GAD1: variants seen among roughly 807,000 people sequenced by gnomAD.
GAD1 encodes the protein 67 kDa glutamic acid decarboxylase.
Under a neutral mutation model 75.2 loss-of-function variants are expected in GAD1, and 35 were observed. The observed-to-expected ratio is 0.47, with a 90% confidence interval of 0.36 to 0.62. The LOEUF is 0.62. Among genes scored for constraint, GAD1 ranks in the 20% least tolerant of loss-of-function variants. GAD1 has a pLI of 0.00. For synonymous variants in GAD1, 257 were observed against 271.9 expected (o/e 0.95, Z 0.54); for missense variants, 490 against 758.5 (o/e 0.65, Z 4.16).
chr2:170,823,370 G>A (rs1351695992), intron 3 of GAD1, among the ~76,000 whole-genome samples: 1 of 152,216 alleles, frequency 6.6e-6, no homozygotes, highest in Non-Finnish European at 1.5e-5. Context: ...CCGCTTTGGG[G>A]AACTACTCCC....
intron 4 of GAD1, among the ~76,000 whole-genome samples, 196 bp from the exon 5 acceptor site, chr2:170,830,754 C>A (rs1352147608): frequency 6.6e-6 from 1 of 152,186 alleles, no homozygotes; most frequent in African/African-American, 2.4e-5. Flanking sequence ...GGCTGTGAAC[C>A]CCCAGGAAGC....
intron 3 of GAD1, among the ~76,000 whole-genome samples, chr2:170,825,041 A>C (rs1435689271): frequency 6.6e-6 from 1 of 151,866 alleles, no homozygotes; most frequent in Non-Finnish European, 1.5e-5. Flanking sequence ...TCTTGAAAAA[A>C]CTTGGGGGTG....
intron 6 of GAD1, among the ~76,000 whole-genome samples, chr2:170,841,879 C>T (rs963741312): frequency 6.6e-6 from 1 of 152,216 alleles, no homozygotes; most frequent in African/African-American, 2.4e-5. Flanking sequence ...TAGAATCATC[C>T]TAGTAGGTTT....
chr2:170,833,694 C>G (rs916514766), intron 5 of GAD1, among the ~76,000 whole-genome samples: 1 of 152,180 alleles, frequency 6.6e-6, no homozygotes, highest in Non-Finnish European at 1.5e-5. Flanking sequence ...ATCTACAAAA[C>G]CAAAGCATCT....
At chr2:170,828,673 CCCCTGTTGTCCTCACCCTCCT>C (rs1702121474) in intron 3 of GAD1, among the ~76,000 whole-genome samples, 1 of 137,696 alleles carries the variant, frequency 7.3e-6, no homozygotes. Flanking sequence ...TCACCCTCCT[CCCCTGTTGTCCTCACCCTCCT>C]CCTCTGTTGT....
chr2:170,857,123 G>C lies in GAD1; in HGVS notation c.1519G>C (p.Glu507Gln). The change falls in exon 15 of 17, where the codon GAG becomes CAG. Residue 507 changes from glutamate to glutamine, a missense_variant and splice_region_variant. Physicochemically the swap from Glu to Gln is conservative, Grantham distance 29. This residue lies in a region of GAD1 where 324 missense variants were observed against 523.9 expected (regional missense o/e 0.62). Coordinates refer to ENST00000358196, the MANE Select transcript of GAD1 (RefSeq NM_000817.3). Reference sequence around the variant, plus strand: ...AGAATTTGAGATGGTTTTCAATGGCGAGGTAGGTAATCATCATGGACCAGG... The same window carrying C: ...AGAATTTGAGATGGTTTTCAATGGCCAGGTAGGTAATCATCATGGACCAGG... ...REEFEMVFNG[E>Q]PEHTNVCFWY... 6.2e-7 allele frequency: 1 copy of C among 1,611,086 alleles called. No individual in the cohort carries two copies. The highest frequency in any genetic ancestry group is 8.5e-7 in the Non-Finnish European group (1 of 1,177,456).
Position 170,859,788 on chromosome 2 carries a change from A to G in GAD1, c.1691A>G (p.Asn564Ser), listed in dbSNP as rs1161418050. 1.6e-5 allele frequency: 26 copies of G among 1,614,162 alleles called. No individual in the cohort carries two copies. The highest frequency in any genetic ancestry group is 2.1e-5 in the Non-Finnish European group (25 of 1,180,024). The part of the protein sequence containing the change: ...VGYQPQGDKA[N>S]FFRMVISNPA... ...TACCAGCCCCAAGGGGACAAGGCCAACTTCTTCCGGATGGTCATCTCCAAC... is the reference window on the plus strand; with the variant it reads ...TACCAGCCCCAAGGGGACAAGGCCAGCTTCTTCCGGATGGTCATCTCCAAC... The change falls in exon 17 of 17, where the codon AAC (asparagine) becomes AGC (serine). Residue 564 changes from asparagine (N) to serine (S), a missense_variant. Around this residue, in one of 3 missense-constraint regions of GAD1, gnomAD observed 324 missense variants for 523.9 expected, o/e 0.62. Transcript: ENST00000358196.
At position 170,822,075 on chromosome 2, in the gene GAD1, C is replaced by T. The variant is rs1186790279; in HGVS notation, c.83-12C>T. Reference sequence around the variant, plus strand: ...TCCCTAACCGAACCTCTCTCCCTCTCTCTCGTCCTAGCGTACGATACCTGG... The same window carrying T: ...TCCCTAACCGAACCTCTCTCCCTCTTTCTCGTCCTAGCGTACGATACCTGG... On this transcript the variant is annotated splice_polypyrimidine_tract_variant and intron_variant, in intron 2 of 16. Coordinates refer to ENST00000358196, the MANE Select transcript of GAD1 (RefSeq NM_000817.3). The T allele has an allele frequency of 6.2e-7, 1 of 1,604,146 alleles. No homozygotes were observed. The highest frequency in any genetic ancestry group is 1.7e-5 in the Admixed American group (1 of 58,810).
chr2:170,859,006 G>A, intron 16 of GAD1, 113 bp downstream of exon 16: 1 of 991,020 alleles, frequency 1.0e-6, no homozygotes, highest in Non-Finnish European at 1.6e-6. Context: ...TAAAGCCTTG[G>A]GGTGGGTTTC....
chr2:170,827,339 G>A (rs1224661344), intron 3 of GAD1, among the ~76,000 whole-genome samples: 1 of 152,234 alleles, frequency 6.6e-6, no homozygotes, highest in African/African-American at 2.4e-5. Flanking sequence ...GGTATTTACA[G>A]AAACAGCTTT....
intron 3 of GAD1, among the ~76,000 whole-genome samples, chr2:170,823,226 G>C (rs944454748): frequency 6.6e-6 from 1 of 152,224 alleles, no homozygotes; most frequent in Admixed American, 6.5e-5. Flanking sequence ...GAGCAGGCAC[G>C]GGACACGCCC....
chr2:170,815,816 T>C (rs531720028), upstream of GAD1, among the ~76,000 whole-genome samples: 18 of 152,354 alleles, frequency 1.2e-4, no homozygotes, highest in Admixed American at 8.5e-4. Context: ...CGTAACCGTC[T>C]GGCCAGCAGC....
At chr2:170,847,581 T>C (rs1328815966) in intron 10 of GAD1, 95 bp from the exon 11 acceptor site, 1 of 894,916 alleles carries the variant, frequency 1.1e-6, no homozygotes, top group East Asian at 2.4e-5. Context: ...CATTTACTGT[T>C]AGAAATAAAT....
intron 7 of GAD1, among the ~76,000 whole-genome samples, chr2:170,844,816 G>A (rs1702596955): frequency 6.6e-6 from 1 of 152,208 alleles, no homozygotes; most frequent in African/African-American, 2.4e-5. Flanking sequence ...GGGAAAAGAA[G>A]AAATAAGAAT....
upstream of GAD1, among the ~76,000 whole-genome samples, chr2:170,814,353 A>T (rs3762560): frequency 6.6e-6 from 1 of 152,256 alleles, no homozygotes; most frequent in South Asian, 2.1e-4. Context: ...GACCAGAAGG[A>T]CGGGCGCTGT....
In GAD1 at chr2:170,829,506, G is replaced by C. The variant is rs138838552; in HGVS notation, c.177G>C (p.Glu59Asp). The C allele has an allele frequency of 4.0e-5, 65 of 1,611,046 alleles. No homozygotes were observed. Among genetic ancestry groups the C allele is most frequent in the Non-Finnish European group, 4.3e-5 (51 of 1,178,622 alleles). Residue 59 changes from glutamate to aspartate, a missense_variant, in exon 4 of 17, where the codon GAG (glutamate) becomes GAC (aspartate). Physicochemically the swap from Glu to Asp is conservative, Grantham distance 45. Around this residue, in one of 3 missense-constraint regions of GAD1, gnomAD observed 165 missense variants for 216.4 expected, o/e 0.76. Coordinates refer to ENST00000358196, the MANE Select transcript of GAD1 (RefSeq NM_000817.3). ...TGCAAAGGACCAACAGCCTGGAAGA[G>C]AAGAGTCGCCTTGTGAGTGCCTTCA... ...GFLQRTNSLE[E>D]KSRLVSAFKE... is the part of the protein sequence containing the mutation.
upstream of GAD1, among the ~76,000 whole-genome samples, chr2:170,815,132 G>T (rs1701671978): frequency 6.6e-6 from 1 of 152,090 alleles, no homozygotes; most frequent in South Asian, 2.1e-4. Flanking sequence ...CCGGTGGATG[G>T]AATTCCGAGC....
At chr2:170,848,096 CT>C (rs1702672577) in intron 11 of GAD1, among the ~76,000 whole-genome samples, 1 of 152,168 alleles carries the variant, frequency 6.6e-6, no homozygotes, top group Admixed American at 6.6e-5. Flanking sequence ...TAAAATATAA[CT>C]GATTTCAGAG....
Position 170,845,488 on chromosome 2 carries a change from A to G in GAD1, c.752-18A>G, listed in dbSNP as rs750313621. 4.4e-6 allele frequency: 7 copies of G among 1,604,850 alleles called. No homozygotes were observed. Among genetic ancestry groups the G allele is most frequent in the Non-Finnish European group, 6.0e-6 (7 of 1,172,658 alleles). On this transcript the variant is annotated intron_variant, in intron 7 of 16. Coordinates refer to ENST00000358196, the MANE Select transcript of GAD1 (RefSeq NM_000817.3). ...TCAAAGAGCCCCAACACCTCCCAAT[A>G]TGTCCGCTTGCTGACAGGGGGCGCC...
Sources: gnomAD v4.1 joint callset for allele counts (sites outside exome capture counted in the v4.1 genomes callset) on GRCh38, gnomAD v4.1.1 for gene constraint, gnomAD v4.1.1 regional missense constraint, MANE v1.5 for transcripts, NCBI Gene and HGNC (gene_info 2026-07-23, HGNC 2026-07-21) for gene names.